Variants in SYNRG observed in about 807,000 individuals in gnomAD.
SYNRG encodes the protein AP1 gamma subunit binding protein 1.
In SYNRG, 37 loss-of-function variants were observed where a neutral mutation model predicts 130.9. The ratio of observed to expected loss-of-function variants is 0.28; its 90% CI spans 0.22 to 0.37. The LOEUF (loss-of-function observed/expected upper bound fraction) is 0.37. Among genes scored for constraint, SYNRG ranks in the 10% least tolerant of loss-of-function variants. The pLI, the probability that SYNRG is intolerant of heterozygous loss-of-function variation, is 1.00. For missense variants in SYNRG, 1,338 were observed against 1,588.9 expected, an observed-to-expected ratio of 0.84 and a Z score of 2.68; for synonymous variants, 539 against 568.1, an observed-to-expected ratio of 0.95 and a Z score of 0.73.
At chr17:37,566,735 T>C (rs2060028920) in intron 11 of SYNRG, 1 of 152,284 alleles carries the variant, frequency 6.6e-6, no homozygotes, top group African/African-American at 2.4e-5. Context: ...CAGGTCTGGC[T>C]ACCATCTTAA....
At chr17:37,574,584 G>C (rs1048684593) in intron 8 of SYNRG, among the ~76,000 whole-genome samples, 1 of 152,070 alleles carries the variant, frequency 6.6e-6, no homozygotes, top group Non-Finnish European at 1.5e-5. Context: ...ATTTTAAAAT[G>C]GGCAAGACAA....
chr17:37,520,846 C>G (rs9901644), intron 19 of SYNRG, among the ~76,000 whole-genome samples, 198 bp from the exon 20 acceptor site: 3,074 of 152,160 alleles, frequency 0.02, 102 homozygotes, highest in African/African-American at 0.07. Flanking sequence ...ACCAGTACAA[C>G]ACGCCCTCTG....
Position 37,561,134 on chromosome 17 carries a change from G to A in SYNRG, c.1663+61C>T, listed in dbSNP as rs377145647. 1.1e-4 allele frequency: 164 copies of A among 1,453,058 alleles called. 1 individual carries two copies. Among genetic ancestry groups the A allele is most frequent in the South Asian group, 1.1e-3 (97 of 86,156 alleles). The allele number at this position is 1,453,058 out of a possible 1,614,324, so 90.0% of individuals were successfully genotyped here. A position where few individuals can be genotyped will look rare whatever the true frequency, so the allele number is the denominator to read the frequency against. On this transcript the variant is annotated intron_variant, in intron 13 of 21. Coordinates refer to ENST00000612223, the MANE Select transcript of SYNRG (RefSeq NM_007247.6). ...AGGGAATGCCACTGAAAGAACCATCGAAAACCCCTTTTTTATTAAAAATGG... is the reference window on the plus strand; with the variant it reads ...AGGGAATGCCACTGAAAGAACCATCAAAAACCCCTTTTTTATTAAAAATGG...
Position 37,539,230 on chromosome 17 carries a change from C to T in SYNRG, c.3382G>A (p.Ala1128Thr). Residue 1128 changes from alanine to threonine, a missense_variant, in exon 17 of 22, where the codon GCA becomes ACA. Coordinates refer to ENST00000612223, the MANE Select transcript of SYNRG (RefSeq NM_007247.6). The part of the protein sequence containing the change: ...TGEVEENERY[A>T]YEWQRCLGSA... ...CCCAGGCATCTCTGCCATTCATATG[C>T]ATATCTCTCATTTTCCTGTGAATTT... 1 of 1,614,180 alleles carries T rather than the reference C, an allele frequency of 6.2e-7. No homozygotes were observed. The highest frequency in any genetic ancestry group is 8.5e-7 in the Non-Finnish European group (1 of 1,180,040).
chr17:37,553,344 C>A lies in SYNRG; in HGVS notation c.2379G>T (p.Leu793=), dbSNP rs374431204. ...KFSSINSDKS[L]GEKAVAFRHT... ...GTCTGAAAGCCACTGCTTTCTCTCC[C>A]AGGGATTTGTCCGAGTTTATGGAAG... The change falls in exon 14 of 22, where the codon CTG becomes CTT. Residue 793 remains leucine, a synonymous_variant. Transcript: ENST00000612223. The A allele has an allele frequency of 5.6e-6, 9 of 1,614,110 alleles. No homozygotes were observed. In the African/African-American group the frequency reaches 1.2e-4, roughly 22 times the overall value.
intron 19 of SYNRG, among the ~76,000 whole-genome samples, chr17:37,529,168 C>T (rs2056320141): frequency 6.6e-6 from 1 of 152,186 alleles, no homozygotes; most frequent in Non-Finnish European, 1.5e-5. Flanking sequence ...AAATGCCCAG[C>T]CCTTTTCTCC....
At chr17:37,525,698 T>C (rs899850611) in intron 19 of SYNRG, among the ~76,000 whole-genome samples, 5 of 152,122 alleles carry the variant, frequency 3.3e-5, no homozygotes, top group Admixed American at 1.3e-4. Flanking sequence ...CCGGGAGCGG[T>C]GGCTCACACC....
chr17:37,557,414 A>C (rs1036905032), intron 13 of SYNRG, among the ~76,000 whole-genome samples: 1 of 152,258 alleles, frequency 6.6e-6, no homozygotes, highest in Non-Finnish European at 1.5e-5. Flanking sequence ...AAGTCAAGCC[A>C]ATGTATTTTT....
intron 19 of SYNRG, among the ~76,000 whole-genome samples, chr17:37,533,738 C>A (rs1346668539): frequency 1.3e-5 from 2 of 150,674 alleles, no homozygotes; most frequent in Non-Finnish European, 3.0e-5. Context: ...CAGGCATGCA[C>A]CACCACACCC....
chr17:37,524,473 G>T (rs1296687213), intron 19 of SYNRG, among the ~76,000 whole-genome samples: 1 of 152,250 alleles, frequency 6.6e-6, no homozygotes, highest in Non-Finnish European at 1.5e-5. Flanking sequence ...AGAACACACG[G>T]TTTTCAGAGA....
intron 14 of SYNRG, among the ~76,000 whole-genome samples, chr17:37,545,835 A>T (rs2058233394): frequency 6.6e-6 from 1 of 152,242 alleles, no homozygotes; most frequent in Non-Finnish European, 1.5e-5. Context: ...TTTGTTGGCT[A>T]TTATAGTGTG....
At chr17:37,592,211 T>C (rs572945568) in intron 3 of SYNRG, among the ~76,000 whole-genome samples, 1 of 152,246 alleles carries the variant, frequency 6.6e-6, no homozygotes, top group Non-Finnish European at 1.5e-5. Context: ...CTCAACACCA[T>C]CTGCACATTA....
chr17:37,526,934 TGCCTTCTGTCAACTGA>T (rs1233147416), intron 19 of SYNRG, among the ~76,000 whole-genome samples: 2 of 152,242 alleles, frequency 1.3e-5, no homozygotes, highest in African/African-American at 4.8e-5. Flanking sequence ...CTACCACAGC[TGCCTTCTGTCAACTGA>T]GGACAGCCAT....
chr17:37,519,051 G>C lies in SYNRG; in HGVS notation c.3834C>G (p.Asp1278Glu). Residue 1278 changes from aspartate (D) to glutamate (E), a missense_variant, in exon 22 of 22, where the codon GAC (aspartate) becomes GAG (glutamate). Physicochemically the swap from Asp to Glu is conservative, Grantham distance 45. Transcript: ENST00000612223. ...GCCCTCCATAGGCCAGCTTGAAACTGTCTGTTTCTGAGTTGAATGCCTGCC... is the reference window on the plus strand; with the variant it reads ...GCCCTCCATAGGCCAGCTTGAAACTCTCTGTTTCTGAGTTGAATGCCTGCC... ...HPKKAFNSET[D>E]SFKLAYGGHQ... The C allele has an allele frequency of 2.5e-6, 4 of 1,613,964 alleles. No homozygotes were observed. Among genetic ancestry groups the C allele is most frequent in the Non-Finnish European group, 3.4e-6 (4 of 1,179,862 alleles).
intron 11 of SYNRG, among the ~76,000 whole-genome samples, chr17:37,564,789 A>G (rs1403680585): frequency 1.3e-5 from 2 of 152,246 alleles, no homozygotes; most frequent in Non-Finnish European, 2.9e-5. Context: ...GACTAATCCT[A>G]AGAGAACGTT....
At chr17:37,539,318 A>G in intron 16 of SYNRG, 73 bp from the exon 17 acceptor site, 3 of 1,505,306 alleles carry the variant, frequency 2.0e-6, no homozygotes, top group Non-Finnish European at 2.8e-6. Flanking sequence ...CTGTCAATTC[A>G]AAGTGCTTGG....
intron 6 of SYNRG, among the ~76,000 whole-genome samples, chr17:37,580,512 A>T (rs78492676): frequency 0.36 from 41,272 of 113,692 alleles, 6,384 homozygotes; most frequent in East Asian, 0.58. Flanking sequence ...TGTGTGTGTG[A>T]GAGAGAGAGA....
At chr17:37,523,025 G>C (rs919585469) in intron 19 of SYNRG, among the ~76,000 whole-genome samples, 2 of 152,068 alleles carry the variant, frequency 1.3e-5, no homozygotes, top group Non-Finnish European at 2.9e-5. Context: ...GACCAAACAG[G>C]GACAGTTGGT....
Position 37,577,538 on chromosome 17 carries a change from G to C in SYNRG, c.665C>G (p.Thr222Ser). 6.2e-7 allele frequency: 1 copy of C among 1,614,082 alleles called. No homozygotes were observed. Among genetic ancestry groups the C allele is most frequent in the Non-Finnish European group, 8.5e-7 (1 of 1,180,020 alleles). ...TSGQEQIKLN[T>S]SEVGHKALGP... ...TAGGGCTTTGTGGCCAACTTCAGAA[G>C]TATTTAATTTAATTTGTTCCTGCCC... The change falls in exon 7 of 22, where the codon ACT (threonine) becomes AGT (serine). Residue 222 changes from threonine (T) to serine (S), a missense_variant. Physicochemically the swap from Thr to Ser is moderately conservative, Grantham distance 58. Transcript: ENST00000612223.
Sources: allele counts gnomAD v4.1 joint callset (sites outside exome capture counted in the v4.1 genomes callset), GRCh38; gene constraint gnomAD v4.1.1; transcripts MANE v1.5; gene names NCBI Gene and HGNC (gene_info 2026-07-23, HGNC 2026-07-21).